Variants in LPP observed in about 807,000 individuals in gnomAD.
The protein encoded by LPP is LIM domain containing preferred translocation partner in lipoma.
A neutral mutation model predicts 60.4 loss-of-function variants in LPP; 38 were observed. The observed-to-expected ratio is 0.63, with a 90% CI of 0.49 to 0.83. LPP has a LOEUF of 0.83. Ranked by LOEUF, LPP falls within the 40% of genes least tolerant of loss-of-function variation. The probability of loss-of-function intolerance (pLI) is 0.00; values close to 1 mark genes in which losing one functional copy is unlikely to be tolerated. For synonymous variants in LPP, 328 were observed against 290.8 expected, an observed-to-expected ratio of 1.13 and a Z score of -1.30; for missense variants, 902 against 783.6, an observed-to-expected ratio of 1.15 and a Z score of -1.80.
chr3:188,438,522 C>T (rs1792945706), intron 4 of LPP, among the ~76,000 whole-genome samples: 1 of 152,072 alleles, frequency 6.6e-6, no homozygotes, highest in African/African-American at 2.4e-5. Context: ...TTAAGTAGTA[C>T]TACCCAGGCA....
chr3:188,541,714 T>G (rs928702942), intron 6 of LPP, among the ~76,000 whole-genome samples: 3 of 152,042 alleles, frequency 2.0e-5, no homozygotes, highest in Non-Finnish European at 4.4e-5. Flanking sequence ...CTGGCCAACA[T>G]GTTGAAATTC....
intron 5 of LPP, among the ~76,000 whole-genome samples, chr3:188,505,755 C>A (rs1813267427): frequency 6.6e-6 from 1 of 152,178 alleles, no homozygotes. Flanking sequence ...TGCCCATCAT[C>A]CTAGTTCATA....
chr3:188,735,502 C>T (rs1722176920), intron 8 of LPP, among the ~76,000 whole-genome samples: 1 of 152,034 alleles, frequency 6.6e-6, no homozygotes, highest in Admixed American at 6.5e-5. Context: ...CTGCCTCAGC[C>T]TCCCGAGTAG....
intron 7 of LPP, among the ~76,000 whole-genome samples, chr3:188,675,103 T>C (rs1016648935): frequency 8.5e-5 from 13 of 152,186 alleles, no homozygotes; most frequent in Middle Eastern, 3.4e-3. Flanking sequence ...TAGTTATGAG[T>C]ATAATACAAA....
chr3:188,794,038 AT>A (rs1275066852), intron 9 of LPP, among the ~76,000 whole-genome samples: 4 of 152,106 alleles, frequency 2.6e-5, no homozygotes, highest in Non-Finnish European at 5.9e-5. Flanking sequence ...ATTCAGCCTG[AT>A]TTTAGAAGCT....
chr3:188,764,699 C>T (rs2150554640), intron 9 of LPP, among the ~76,000 whole-genome samples: 1 of 152,246 alleles, frequency 6.6e-6, no homozygotes, highest in African/African-American at 2.4e-5. Flanking sequence ...TGTTTTATTC[C>T]TAGCATTACC....
intron 2 of LPP, among the ~76,000 whole-genome samples, chr3:188,294,734 G>A (rs1362945878): frequency 1.3e-5 from 2 of 152,198 alleles, no homozygotes; most frequent in Non-Finnish European, 2.9e-5. Context: ...GTGTGATTAT[G>A]TTGAATGATA....
chr3:188,374,765 G>C (rs1416176973), intron 3 of LPP, among the ~76,000 whole-genome samples: 1 of 152,124 alleles, frequency 6.6e-6, no homozygotes, highest in Non-Finnish European at 1.5e-5. Flanking sequence ...TGGGGAGAGA[G>C]GGCATCCCTG....
intron 2 of LPP, chr3:188,240,216 A>C (rs576755171): frequency 1.1e-5 from 2 of 178,152 alleles, no homozygotes; most frequent in Middle Eastern, 2.2e-3. Context: ...TTCATAAACT[A>C]ATTTAAAAAT....
chr3:188,873,250 G>T (rs779594088), intron 11 of LPP, among the ~76,000 whole-genome samples: 2 of 152,212 alleles, frequency 1.3e-5, no homozygotes, highest in South Asian at 2.1e-4. Flanking sequence ...CAAACTTCCC[G>T]CAGAGTATAA....
intron 8 of LPP, among the ~76,000 whole-genome samples, chr3:188,744,677 A>G (rs1255520320): frequency 2.6e-5 from 4 of 152,154 alleles, no homozygotes; most frequent in Non-Finnish European, 5.9e-5. Context: ...CTGAAACATT[A>G]TAATGGCCAA....
chr3:188,370,823 C>A (rs1281871264), intron 3 of LPP, among the ~76,000 whole-genome samples: 1 of 152,210 alleles, frequency 6.6e-6, no homozygotes, highest in Non-Finnish European at 1.5e-5. Flanking sequence ...CTTTCACTTT[C>A]TACATGGCAT....
rs3732911 is a variant in LPP at position 188,406,031 on chromosome 3, T to G, written c.-9-81T>G. ...TTATCAGGATGCATTTAGTATGGATTAAGGTGAAATAGCAATGAAATGAGG... is the reference window on the plus strand; with the variant it reads ...TTATCAGGATGCATTTAGTATGGATGAAGGTGAAATAGCAATGAAATGAGG... On this transcript the variant is annotated intron_variant, in intron 3 of 11. Transcript: ENST00000617246. The G allele has an allele frequency of 0.9, 1,116,692 of 1,247,090 alleles. 505,305 individuals carry two copies. Among genetic ancestry groups the G allele is most frequent in the Non-Finnish European group, 0.93 (823,519 of 886,704 alleles). 77.3% of individuals were successfully genotyped at this position (1,247,090 alleles called of 1,614,324 possible). A position where few individuals can be genotyped will look rare whatever the true frequency, so the allele number is the denominator to read the frequency against.
chr3:188,463,311 T>G (rs11925976), intron 4 of LPP, among the ~76,000 whole-genome samples: 2,126 of 151,394 alleles, frequency 0.014, 52 homozygotes, highest in African/African-American at 0.048. Context: ...TGTCTCAACC[T>G]CCAGAGTAAC....
At chr3:188,713,168 G>A (rs1240673393) in intron 8 of LPP, among the ~76,000 whole-genome samples, 2 of 152,280 alleles carry the variant, frequency 1.3e-5, no homozygotes, top group South Asian at 4.1e-4. Context: ...CCAACTGAAT[G>A]TAGGAAGTCT....
intron 4 of LPP, among the ~76,000 whole-genome samples, chr3:188,452,370 C>G (rs182194856): frequency 6.6e-6 from 1 of 152,036 alleles, no homozygotes; most frequent in African/African-American, 2.4e-5. Flanking sequence ...GACTGGCCCC[C>G]ACCTCCTCTT....
chr3:188,454,766 A>G (rs1307663293), intron 4 of LPP, among the ~76,000 whole-genome samples: 1 of 152,102 alleles, frequency 6.6e-6, no homozygotes, highest in East Asian at 1.9e-4. Flanking sequence ...ATCTCATGAA[A>G]CTTATTCACT....
intron 6 of LPP, among the ~76,000 whole-genome samples, chr3:188,538,587 A>C (rs1340574366): frequency 6.6e-6 from 1 of 152,196 alleles, no homozygotes; most frequent in African/African-American, 2.4e-5. Flanking sequence ...TTGCTGGTGG[A>C]TTGTAAAATG....
At chr3:188,625,909 G>T (rs1051092734) in intron 7 of LPP, among the ~76,000 whole-genome samples, 3 of 152,134 alleles carry the variant, frequency 2.0e-5, no homozygotes, top group Non-Finnish European at 2.9e-5. Context: ...GCTGTTAAAT[G>T]GAAAGCATTT....
Sources: allele counts gnomAD v4.1 joint callset (sites outside exome capture counted in the v4.1 genomes callset), GRCh38; gene constraint gnomAD v4.1.1; transcripts MANE v1.5; gene names NCBI Gene and HGNC (gene_info 2026-07-23, HGNC 2026-07-21).